GPR137C: variants seen among roughly 807,000 people sequenced by gnomAD.
The protein encoded by GPR137C is integral membrane protein GPR137C.
Under a neutral mutation model 43.4 loss-of-function variants are expected in GPR137C, and 27 were observed. The ratio of observed to expected loss-of-function variants is 0.62; its 90% CI spans 0.46 to 0.86. GPR137C has a LOEUF of 0.86. Among genes scored for constraint, GPR137C ranks in the 40% least tolerant of loss-of-function variants. The probability of loss-of-function intolerance (pLI) is 0.00; values close to 1 mark genes in which losing one functional copy is unlikely to be tolerated. For missense variants in GPR137C, 522 were observed against 534.6 expected (o/e 0.98, Z 0.23); for synonymous variants, 285 against 226.9 (o/e 1.26, Z -2.30).
At chr14:52,555,736 CT>C in intron 1 of GPR137C, among the ~76,000 whole-genome samples, 1 of 152,052 alleles carries the variant, frequency 6.6e-6, no homozygotes, top group Non-Finnish European at 1.5e-5. Context: ...AGCTTTTTTC[CT>C]TTGTAATGCC....
intron 3 of GPR137C, among the ~76,000 whole-genome samples, chr14:52,626,714 G>A (rs773528025): frequency 7.2e-5 from 11 of 152,060 alleles, no homozygotes; most frequent in Admixed American, 2.0e-4. Flanking sequence ...AATTGTTTAA[G>A]GAGAACATCT....
At position 52,553,101 on chromosome 14, in the gene GPR137C, C is replaced by A; in HGVS notation, c.-47C>A. The A allele has an allele frequency of 9.4e-7, 1 of 1,062,892 alleles. No homozygotes were observed. Among genetic ancestry groups the A allele is most frequent in the South Asian group, 4.7e-5 (1 of 21,490 alleles). The allele number at this position is 1,062,892 out of a possible 1,614,324, so 65.8% of individuals were successfully genotyped here. A position where few individuals can be genotyped will look rare whatever the true frequency, so the allele number is the denominator to read the frequency against. On this transcript the variant is annotated 5_prime_UTR_variant, in exon 1 of 7. Transcript: ENST00000321662. The stretch of plus-strand genomic sequence containing the variant: ...CTCCCCTTCGACGGCGGCTCCGAGT[C>A]CAGCCCCTTCCTTCCCGCGCTCGCT...
intron 1 of GPR137C, among the ~76,000 whole-genome samples, chr14:52,591,970 A>G (rs2038790048): frequency 6.6e-6 from 1 of 152,184 alleles, no homozygotes. Context: ...CTTACATTTA[A>G]GTCTTTAATA....
intron 1 of GPR137C, among the ~76,000 whole-genome samples, chr14:52,563,332 G>C (rs886082539): frequency 6.6e-6 from 1 of 151,702 alleles, no homozygotes; most frequent in Admixed American, 6.6e-5. Flanking sequence ...CTTAAAAACA[G>C]ATGACTCACA....
intron 1 of GPR137C, among the ~76,000 whole-genome samples, chr14:52,578,045 T>C (rs1167131991): frequency 6.6e-6 from 1 of 152,194 alleles, no homozygotes; most frequent in African/African-American, 2.4e-5. Flanking sequence ...AACATCTCTA[T>C]ACAATTCTGA....
At chr14:52,598,163 G>A (rs1042369573) in intron 1 of GPR137C, 109 bp from the exon 2 acceptor site, 52 of 442,582 alleles carry the variant, frequency 1.2e-4, no homozygotes, top group South Asian at 3.3e-4. Context: ...TCAACTTTGC[G>A]TGCTATATGT....
intron 3 of GPR137C, among the ~76,000 whole-genome samples, chr14:52,615,972 A>G (rs2039094136): frequency 1.3e-5 from 2 of 152,170 alleles, no homozygotes; most frequent in South Asian, 4.1e-4. Context: ...TTTCTCACAT[A>G]TTTAAGGTTG....
intron 1 of GPR137C, among the ~76,000 whole-genome samples, chr14:52,574,619 A>G (rs914199035): frequency 5.9e-5 from 9 of 152,200 alleles, no homozygotes; most frequent in Admixed American, 1.3e-4. Flanking sequence ...TGTAGATGAC[A>G]GGTTGATGGG....
rs74418782 is a variant in GPR137C at position 52,635,419 on chromosome 14, C to G, written c.*304C>G. The G allele has an allele frequency of 4.2e-6, 1 of 236,384 alleles. No individual in the cohort carries two copies. The highest frequency in any genetic ancestry group is 8.0e-6 in the Non-Finnish European group (1 of 124,324). 14.6% of individuals were successfully genotyped at this position (236,384 alleles called of 1,614,324 possible). A position where few individuals can be genotyped will look rare whatever the true frequency, so the allele number is the denominator to read the frequency against. On this transcript the variant is annotated 3_prime_UTR_variant, in exon 7 of 7. Transcript: ENST00000321662. Reference sequence around the variant, plus strand: ...GCACTTTTATCTTTGTTCTGAGTCACTGCAGTCCCCAAAGTCATATGCCAA... The same window carrying G: ...GCACTTTTATCTTTGTTCTGAGTCAGTGCAGTCCCCAAAGTCATATGCCAA...
chr14:52,600,231 G>A lies in GPR137C; in HGVS notation c.607G>A (p.Val203Ile), dbSNP rs1374500254. ...AAATCAGTTGAAGTGGACTGTGTTT[G>A]TTCGAGCATTAATTAATGATAGCCT... ...PENQLKWTVF[V>I]RALINDSLFI... The change falls in exon 3 of 7, where the codon GTT (valine) becomes ATT (isoleucine). Residue 203 changes from valine to isoleucine, a missense_variant. Val to Ile is a conservative substitution (Grantham distance 29, BLOSUM62 3). Transcript: ENST00000321662. The A allele has an allele frequency of 6.2e-7, 1 of 1,613,512 alleles. No individual in the cohort carries two copies. Among genetic ancestry groups the A allele is most frequent in the East Asian group, 2.2e-5 (1 of 44,872 alleles).
intron 1 of GPR137C, among the ~76,000 whole-genome samples, chr14:52,574,773 T>C (rs905797591): frequency 6.6e-6 from 1 of 152,236 alleles, no homozygotes; most frequent in African/African-American, 2.4e-5. Context: ...GGATATTCTG[T>C]TGCTCCTTCT....
intron 1 of GPR137C, among the ~76,000 whole-genome samples, chr14:52,587,224 G>T (rs763517986): frequency 1.3e-5 from 2 of 152,156 alleles, no homozygotes; most frequent in Non-Finnish European, 2.9e-5. Flanking sequence ...GTAAGTTATG[G>T]TCTTTCTTAA....
intron 1 of GPR137C, among the ~76,000 whole-genome samples, chr14:52,588,232 C>T (rs2038737039): frequency 6.6e-6 from 1 of 152,180 alleles, no homozygotes; most frequent in Non-Finnish European, 1.5e-5. Context: ...GCACCCTCTG[C>T]CTCCCGAGTT....
chr14:52,599,434 C>A (rs1300476402), intron 2 of GPR137C, among the ~76,000 whole-genome samples: 1 of 139,728 alleles, frequency 7.2e-6, no homozygotes, highest in Non-Finnish European at 1.5e-5. Flanking sequence ...TTTTTTTTTC[C>A]TTTTTTTTTT....
At chr14:52,611,314 T>C (rs182960609) in intron 3 of GPR137C, among the ~76,000 whole-genome samples, 320 of 152,052 alleles carry the variant, frequency 2.1e-3, no homozygotes, top group African/African-American at 7.5e-3. Flanking sequence ...GTGATTTCTG[T>C]TTATATTAAA....
At chr14:52,583,465 T>TC (rs918567963) in intron 1 of GPR137C, among the ~76,000 whole-genome samples, 1 of 152,170 alleles carries the variant, frequency 6.6e-6, no homozygotes, top group Non-Finnish European at 1.5e-5. Context: ...TTATTTTTTT[T>TC]CTCATCCAGC....
In GPR137C at chr14:52,552,885, C is replaced by T. The variant is rs2038097888; in HGVS notation, c.-263C>T. ...CTCGGGTTTCTCAGCTGATTGTCTC[C>T]AGCCGAGAGTTGTTTTTTGCAGCTA... On this transcript the variant is annotated 5_prime_UTR_variant, in exon 1 of 7. Coordinates refer to ENST00000321662, the MANE Select transcript of GPR137C (RefSeq NM_001099652.2). Among the ~76,000 whole-genome samples the T allele has an allele frequency of 6.6e-6, 1 of 151,924 alleles. No homozygotes were observed. Among genetic ancestry groups the T allele is most frequent in the South Asian group, 2.1e-4 (1 of 4,816 alleles).
intron 1 of GPR137C, among the ~76,000 whole-genome samples, chr14:52,570,503 C>T (rs961025918): frequency 2.0e-5 from 3 of 152,128 alleles, no homozygotes; most frequent in Non-Finnish European, 4.4e-5. Flanking sequence ...GCAATATTAA[C>T]CTTAAATGTA....
chr14:52,616,412 TC>T (rs2039099756), intron 3 of GPR137C, among the ~76,000 whole-genome samples: 1 of 152,040 alleles, frequency 6.6e-6, no homozygotes, highest in Non-Finnish European at 1.5e-5. Context: ...TCATGTGTTA[TC>T]CCCACAAGTA....
Sources: allele counts gnomAD v4.1 joint callset (sites outside exome capture counted in the v4.1 genomes callset), GRCh38; gene constraint gnomAD v4.1.1; transcripts MANE v1.5; gene names NCBI Gene and HGNC (gene_info 2026-07-23, HGNC 2026-07-21).